TIMM23B: variants seen among roughly 807,000 people sequenced by gnomAD.
TIMM23B encodes mitochondrial import inner membrane translocase subunit Tim23B.
Under a neutral mutation model 27.3 loss-of-function variants are expected in TIMM23B, and 27 were observed. The observed-to-expected ratio is 0.99, with a 90% CI of 0.73 to 1.36. The LOEUF (loss-of-function observed/expected upper bound fraction) is 1.36, where lower values mean the gene tolerates loss of function less well. Among genes scored for constraint, TIMM23B ranks in the 40% most tolerant of loss-of-function variants. The pLI is 0.00. For synonymous variants in TIMM23B, 73 were observed against 92.4 expected (o/e 0.79, Z 1.21); for missense variants, 205 against 244.2 (o/e 0.84, Z 1.07).
At chr10:49,952,068 T>A (rs1839550892) in intron 2 of TIMM23B, 58 bp from the exon 3 acceptor site, 1 of 1,313,210 alleles carries the variant, frequency 7.6e-7, no homozygotes, top group Non-Finnish European at 1.1e-6. Flanking sequence ...AAAAGGCAAC[T>A]TTACAAGATT....
At chr10:49,966,978 G>A (rs1840189769) in intron 6 of TIMM23B, among the ~76,000 whole-genome samples, 1 of 151,692 alleles carries the variant, frequency 6.6e-6, no homozygotes. Context: ...AGAGTACAGT[G>A]GTGTGATCAT....
chr10:49,952,247 A>G, intron 3 of TIMM23B, 28 bp downstream of exon 3: 7 of 1,585,762 alleles, frequency 4.4e-6, no homozygotes, highest in Non-Finnish European at 6.1e-6. Flanking sequence ...TTTTCTCAAG[A>G]GTGCTCAGTT....
intron 6 of TIMM23B, among the ~76,000 whole-genome samples, chr10:49,961,057 G>A (rs1425728385): frequency 1.3e-5 from 2 of 152,134 alleles, no homozygotes; most frequent in Non-Finnish European, 2.9e-5. Flanking sequence ...AGTATTAGTT[G>A]AAGAGATGGT....
Position 49,955,070 on chromosome 10 carries a change from GA to G in TIMM23B, c.403+11del, listed in dbSNP as rs1330231975. 6.2e-7 allele frequency: 1 copy of G among 1,611,080 alleles called. No homozygotes were observed. The highest frequency in any genetic ancestry group is 8.5e-7 in the Non-Finnish European group (1 of 1,177,852). ...ACTCTAGGTTCTCTGGGTAAGTAGAGATCTCGTTTGATAATAAATTGTTAAC... is the reference window on the plus strand; with the variant it reads ...ACTCTAGGTTCTCTGGGTAAGTAGAGTCTCGTTTGATAATAAATTGTTAAC... On this transcript the variant is annotated intron_variant, in intron 5 of 6. Coordinates refer to ENST00000651259, the MANE Select transcript of TIMM23B (RefSeq NM_001290117.2).
chr10:49,967,213 C>T (rs1362365567), intron 6 of TIMM23B, among the ~76,000 whole-genome samples: 16 of 152,152 alleles, frequency 1.1e-4, no homozygotes, highest in African/African-American at 3.1e-4. Flanking sequence ...TGAACCACCG[C>T]GCCCGGCCCC....
intron 6 of TIMM23B, among the ~76,000 whole-genome samples, chr10:49,968,347 C>A (rs1840261138): frequency 1.3e-5 from 2 of 152,228 alleles, no homozygotes; most frequent in Admixed American, 1.3e-4. Flanking sequence ...TTAGATTTTA[C>A]AATCCTTTTA....
At chr10:49,947,294 T>G (rs1839382251) in intron 2 of TIMM23B, among the ~76,000 whole-genome samples, 1 of 152,158 alleles carries the variant, frequency 6.6e-6, no homozygotes, top group Non-Finnish European at 1.5e-5. Flanking sequence ...ATTTTAAAAT[T>G]TTGTGGTTTA....
At chr10:49,969,810 C>T (rs1357201504) in intron 6 of TIMM23B, among the ~76,000 whole-genome samples, 2 of 152,124 alleles carry the variant, frequency 1.3e-5, no homozygotes, top group Admixed American at 1.3e-4. Flanking sequence ...CTCCCTCTCC[C>T]TCTCTTTCCA....
intron 2 of TIMM23B, among the ~76,000 whole-genome samples, chr10:49,950,874 T>C (rs1839509058): frequency 6.6e-6 from 1 of 152,274 alleles, no homozygotes; most frequent in African/African-American, 2.4e-5. Context: ...GATCTGTTTC[T>C]GTATTGAAGG....
intron 6 of TIMM23B, among the ~76,000 whole-genome samples, chr10:49,967,380 A>G (rs1441720992): frequency 1.3e-5 from 2 of 152,204 alleles, no homozygotes; most frequent in Non-Finnish European, 2.9e-5. Context: ...CGTTGAAGTT[A>G]TATTTGTATT....
chr10:49,944,927 G>A, intron 1 of TIMM23B, 105 bp from the exon 2 acceptor site: 1 of 1,440,408 alleles, frequency 6.9e-7, no homozygotes, highest in Non-Finnish European at 9.7e-7. Context: ...CCTTCAGTGA[G>A]CCTATAAAAA....
chr10:49,945,064 A>C lies in TIMM23B; in HGVS notation c.139A>C (p.Asn47His). ...TGMNPLCPYL[N>H]VDPRYLVQDT... is the part of the protein sequence containing the mutation. ...TATGAACCCTCTGTGTCCTTATTTA[A>C]ATGTGGATCCACGATACCTCGTGCA... The change falls in exon 2 of 7, where the codon AAT becomes CAT. Residue 47 changes from asparagine (N) to histidine (H), a missense_variant. Coordinates refer to ENST00000651259, the MANE Select transcript of TIMM23B (RefSeq NM_001290117.2). 6 of 1,602,282 alleles carry C rather than the reference A, an allele frequency of 3.7e-6. No homozygotes were observed. The highest frequency in any genetic ancestry group is 5.1e-6 in the Non-Finnish European group (6 of 1,171,778).
rs1342363976 is a variant in TIMM23B, at chr10:49,954,850, C to T, written c.345-152C>T. On this transcript the variant is annotated intron_variant, in intron 4 of 6. Transcript: ENST00000651259. ...TCACTTATGTAGAGTAAAAACCATC[C>T]TTATTGAAATCGGAGATATTAAGAT... Among the ~76,000 whole-genome samples, 21 of 151,314 alleles carry T rather than the reference C, an allele frequency of 1.4e-4. No homozygotes were observed. The East Asian group carries it at 2.9e-3, about 21-fold the overall frequency.
At chr10:49,943,784 A>G (rs1839259653) in intron 1 of TIMM23B, among the ~76,000 whole-genome samples, 2 of 141,566 alleles carry the variant, frequency 1.4e-5, no homozygotes, top group Admixed American at 1.5e-4. Flanking sequence ...TTGCGCTCAC[A>G]GAGCTTACAT....
At chr10:49,949,843 CT>C (rs1275600184) in intron 2 of TIMM23B, among the ~76,000 whole-genome samples, 73 of 144,390 alleles carry the variant, frequency 5.1e-4, no homozygotes, top group African/African-American at 8.3e-4. Context: ...TTGGCAACAA[CT>C]TTTTTTTTTT....
chr10:49,971,589 G>A (rs1840452091), intron 6 of TIMM23B, among the ~76,000 whole-genome samples: 1 of 152,148 alleles, frequency 6.6e-6, no homozygotes, highest in Non-Finnish European at 1.5e-5. Flanking sequence ...TCTTTTCAGT[G>A]TGCTGTGTCA....
intron 2 of TIMM23B, among the ~76,000 whole-genome samples, chr10:49,946,568 T>G (rs1479771383): frequency 2.6e-5 from 4 of 151,620 alleles, no homozygotes; most frequent in African/African-American, 9.7e-5. Flanking sequence ...ACTACAAAAA[T>G]GAAATTACAA....
At chr10:49,952,587 G>T (rs1173248073) in intron 4 of TIMM23B, 54 bp downstream of exon 4, 4 of 1,602,126 alleles carry the variant, frequency 2.5e-6, no homozygotes, top group Admixed American at 3.4e-5. Context: ...AAGCTCTGTT[G>T]TATTGGTTTG....
chr10:49,956,153 G>C (rs1410269968), intron 5 of TIMM23B, among the ~76,000 whole-genome samples: 1 of 146,842 alleles, frequency 6.8e-6, no homozygotes, highest in African/African-American at 2.5e-5. Context: ...AGTTAAATAA[G>C]TTGAAGAGGA....
Sources: allele counts gnomAD v4.1 joint callset (sites outside exome capture counted in the v4.1 genomes callset), GRCh38; gene constraint gnomAD v4.1.1; transcripts MANE v1.5; gene names NCBI Gene and HGNC (gene_info 2026-07-23, HGNC 2026-07-21).